The following CHN1 variants were observed in gnomAD, a reference collection of about 807,000 sequenced individuals.
The protein encoded by CHN1 is N-chimaerin.
CHN1 carries 37 observed loss-of-function variants against 59.5 expected under a neutral mutation model. That is an observed-to-expected ratio of 0.62 (90% CI 0.48 to 0.82). The LOEUF (loss-of-function observed/expected upper bound fraction) is 0.82. Among genes scored for constraint, CHN1 ranks in the 40% least tolerant of loss-of-function variants. CHN1 has a pLI of 0.00. For missense variants in CHN1, 469 were observed against 571.0 expected (o/e 0.82, Z 1.82); for synonymous variants, 206 against 200.4 (o/e 1.03, Z -0.24).
Position 174,918,548 on chromosome 2 carries a change from C to G in CHN1, c.132G>C (p.Lys44Asn). 2 of 1,591,656 alleles carry G rather than the reference C, an allele frequency of 1.3e-6. No homozygotes were observed. Among genetic ancestry groups the G allele is most frequent in the Non-Finnish European group, 1.7e-6 (2 of 1,167,852 alleles). Residue 44 changes from lysine to asparagine, a missense_variant, in exon 4 of 13, where the codon AAG becomes AAC. This residue lies in a region of CHN1 where 152 missense variants were observed against 166.1 expected (regional missense o/e 0.92). Transcript: ENST00000409900. ...TCTCEVENRP[K>N]YYGREFHGMI... ...TCCATACTTACTCTCTTCCATAATA[C>G]TTTGGTCTGTTTTCCACCTATTGGG...
At chr2:174,847,238 C>G in intron 6 of CHN1, 1 of 1,411,452 alleles carries the variant, frequency 7.1e-7, no homozygotes, top group East Asian at 2.5e-5. Context: ...CCCTAACCTA[C>G]AGAGAGCTGC....
intron 5 of CHN1, among the ~76,000 whole-genome samples, chr2:174,888,824 C>T (rs573417300): frequency 6.6e-6 from 1 of 152,284 alleles, no homozygotes; most frequent in Non-Finnish European, 1.5e-5. Context: ...TGCCTCAGGG[C>T]ACTCACTCAA....
At chr2:174,802,455 G>A (rs1486538649) in intron 11 of CHN1, among the ~76,000 whole-genome samples, 1 of 152,186 alleles carries the variant, frequency 6.6e-6, no homozygotes, top group Non-Finnish European at 1.5e-5. Flanking sequence ...TCAGAAGAAT[G>A]CACGGCAGAC....
intron 6 of CHN1, among the ~76,000 whole-genome samples, chr2:174,872,276 C>T (rs540764391): frequency 6.6e-6 from 1 of 151,878 alleles, no homozygotes; most frequent in African/African-American, 2.4e-5. Flanking sequence ...GAAGTGAGAC[C>T]CCACCTCAAA....
At chr2:174,990,258 T>TGAGA (rs1342729574) in intron 1 of CHN1, among the ~76,000 whole-genome samples, 1 of 94,674 alleles carries the variant, frequency 1.1e-5, no homozygotes, top group Non-Finnish European at 2.3e-5. Context: ...TGTGTGTGTG[T>TGAGA]GTGTGAGAGA....
chr2:174,839,473 C>G (rs1295535362), intron 7 of CHN1, among the ~76,000 whole-genome samples: 1 of 150,832 alleles, frequency 6.6e-6, no homozygotes, highest in Non-Finnish European at 1.5e-5. Context: ...CTATAATAAT[C>G]AAACTCAGAA....
chr2:174,902,598 CATT>C (rs1196837881), intron 5 of CHN1, among the ~76,000 whole-genome samples: 1 of 152,034 alleles, frequency 6.6e-6, no homozygotes, highest in East Asian at 1.9e-4. Context: ...TTCTACAGAA[CATT>C]ATTTTTCACT....
intron 5 of CHN1, among the ~76,000 whole-genome samples, chr2:174,911,715 C>T (rs900636742): frequency 9.2e-5 from 14 of 152,330 alleles, no homozygotes; most frequent in African/African-American, 3.4e-4. Flanking sequence ...ACACACTCCC[C>T]TAAACAGCAC....
At chr2:174,931,373 T>C (rs1320240630) in intron 3 of CHN1, among the ~76,000 whole-genome samples, 3 of 152,218 alleles carry the variant, frequency 2.0e-5, no homozygotes, top group Non-Finnish European at 4.4e-5. Flanking sequence ...GTGGCCAAAC[T>C]CTAATTTCAA....
At chr2:174,917,589 CAT>C (rs1688883420) in intron 4 of CHN1, among the ~76,000 whole-genome samples, 1 of 152,036 alleles carries the variant, frequency 6.6e-6, no homozygotes, top group African/African-American at 2.4e-5. Context: ...TGAGATGTTT[CAT>C]ATGATATGGT....
intron 11 of CHN1, 159 bp from the exon 12 acceptor site, chr2:174,801,971 A>G: frequency 1.8e-6 from 1 of 549,612 alleles, no homozygotes; most frequent in Non-Finnish European, 3.2e-6. Context: ...TTAAGGTTCA[A>G]GTCCAGATTT....
intron 1 of CHN1, among the ~76,000 whole-genome samples, chr2:174,959,013 A>G (rs1215568593): frequency 2.6e-5 from 4 of 152,204 alleles, no homozygotes; most frequent in Non-Finnish European, 5.9e-5. Context: ...GCAAAAAAAT[A>G]AGAAATATTA....
chr2:174,809,002 A>G lies in CHN1; in HGVS notation c.1005T>C (p.Asp335=). The G allele has an allele frequency of 6.2e-7, 1 of 1,612,282 alleles. No homozygotes were observed. The highest frequency in any genetic ancestry group is 8.5e-7 in the Non-Finnish European group (1 of 1,179,208). ...KADISVNMYE[D]INIITGALKL... is the part of the protein sequence containing the mutation. ...TAAGTGCACCAGTGATAATGTTGAT[A>G]TCTTCATACATGTTCACAGAAATAT... is the stretch of plus-strand genomic sequence containing the variant. The change falls in exon 11 of 13, where the codon GAT becomes GAC. Residue 335 remains aspartate (D), a synonymous_variant. Transcript: ENST00000409900.
chr2:174,890,466 A>T, intron 5 of CHN1, among the ~76,000 whole-genome samples: 1 of 152,132 alleles, frequency 6.6e-6, no homozygotes, highest in Non-Finnish European at 1.5e-5. Context: ...GCTGAGGCAG[A>T]AGCATCATTT....
At chr2:174,916,581 C>A (rs1299593346) in intron 4 of CHN1, among the ~76,000 whole-genome samples, 6 of 152,144 alleles carry the variant, frequency 3.9e-5, no homozygotes, top group African/African-American at 1.4e-4. Flanking sequence ...AATTCAGGAA[C>A]ATTACTAGGG....
chr2:174,842,120 A>T (rs763769796), intron 7 of CHN1, among the ~76,000 whole-genome samples: 3 of 152,200 alleles, frequency 2.0e-5, no homozygotes, highest in Non-Finnish European at 4.4e-5. Flanking sequence ...CAACAACCAA[A>T]GGTCCCCCGC....
intron 1 of CHN1, among the ~76,000 whole-genome samples, chr2:174,996,245 A>T (rs983110171): frequency 7.2e-5 from 11 of 152,136 alleles, no homozygotes; most frequent in Admixed American, 7.2e-4. Flanking sequence ...TATCACAGAA[A>T]CCTACTTGAT....
intron 6 of CHN1, among the ~76,000 whole-genome samples, chr2:174,852,771 A>G (rs1686778250): frequency 6.6e-6 from 1 of 152,212 alleles, no homozygotes; most frequent in East Asian, 1.9e-4. Context: ...CCAAGAAATA[A>G]AGCCTCACAC....
At chr2:174,861,343 T>C (rs1687062232) in intron 6 of CHN1, among the ~76,000 whole-genome samples, 1 of 152,226 alleles carries the variant, frequency 6.6e-6, no homozygotes, top group African/African-American at 2.4e-5. Context: ...CTGATATTGA[T>C]ACTGTTATCA....
Sources: allele counts gnomAD v4.1 joint callset (sites outside exome capture counted in the v4.1 genomes callset), GRCh38; gene constraint gnomAD v4.1.1; regional missense constraint gnomAD v4.1.1; transcripts MANE v1.5; gene names NCBI Gene and HGNC (gene_info 2026-07-23, HGNC 2026-07-21).